Variants in SV2A observed in about 807,000 individuals in gnomAD.
The protein encoded by SV2A is synaptic vesicle glycoprotein 2A, also known as solute carrier family 22 member B1.
Under a neutral mutation model 78.0 loss-of-function variants are expected in SV2A, and 25 were observed. The ratio of observed to expected loss-of-function variants is 0.32; its 90% CI spans 0.23 to 0.45. SV2A has a LOEUF of 0.45. Among genes scored for constraint, SV2A ranks in the 20% least tolerant of loss-of-function variants. SV2A has a pLI of 1.00. For missense variants in SV2A, 752 were observed against 971.5 expected (o/e 0.77, Z 3.00); for synonymous variants, 355 against 384.7 (o/e 0.92, Z 0.90).
rs782142893 is a variant in SV2A, at chr1:149,909,792, G to A, written c.1179+9C>T. 2 of 1,613,300 alleles carry A rather than the reference G, an allele frequency of 1.2e-6. No homozygotes were observed. The highest frequency in any genetic ancestry group is 2.2e-5 in the East Asian group (1 of 44,894). The stretch of plus-strand genomic sequence containing the variant: ...CGTGGAGGTCTGAGTCGGGAGGGCT[G>A]TGGCTTACTGAGAACACTCGCTCAG... On this transcript the variant is annotated intron_variant, in intron 6 of 12. Coordinates refer to ENST00000369146, the MANE Select transcript of SV2A (RefSeq NM_014849.5).
chr1:149,905,760 G>T, intron 12 of SV2A, 120 bp downstream of exon 12: 1 of 1,385,140 alleles, frequency 7.2e-7, no homozygotes, highest in Non-Finnish European at 9.9e-7. Context: ...CCAGATTTTA[G>T]AGGAGAAAAT....
At chr1:149,911,775 A>C (rs1301711414) in intron 3 of SV2A, 25 bp downstream of exon 3, 4 of 1,609,706 alleles carry the variant, frequency 2.5e-6, no homozygotes, top group Non-Finnish European at 3.4e-6. Context: ...CCTGCCCTCA[A>C]GGGACTTAGG....
At chr1:149,908,881 C>T (rs1236518400) in intron 8 of SV2A, among the ~76,000 whole-genome samples, 2 of 152,150 alleles carry the variant, frequency 1.3e-5, no homozygotes, top group Non-Finnish European at 2.9e-5. Flanking sequence ...GATCCGCCCG[C>T]CTCGTCCTCC....
rs587769747 is a variant in SV2A at position 149,907,598 on chromosome 1, G to A, written c.1678+102C>T. The A allele has an allele frequency of 1.4e-4, 198 of 1,435,368 alleles. 1 individual carries two copies. In the African/African-American group the frequency reaches 1.8e-3, roughly 13 times the overall value. 88.9% of individuals were successfully genotyped at this position (1,435,368 alleles called of 1,614,324 possible). The stretch of plus-strand genomic sequence containing the variant: ...TGCCACCTTCCCACAGGGGTCCAGG[G>A]ATCTCAGCTTGAGAACCCTAAGATA... On this transcript the variant is annotated intron_variant, in intron 10 of 12. Coordinates refer to ENST00000369146, the MANE Select transcript of SV2A (RefSeq NM_014849.5).
At chr1:149,915,656 C>A (rs2092507716) in intron 1 of SV2A, among the ~76,000 whole-genome samples, 1 of 152,164 alleles carries the variant, frequency 6.6e-6, no homozygotes, top group African/African-American at 2.4e-5. Flanking sequence ...CCTTTCTGCT[C>A]CTCCTCCAGG....
At chr1:149,906,565 C>T in intron 11 of SV2A, 85 bp downstream of exon 11, 1 of 1,440,128 alleles carries the variant, frequency 6.9e-7, no homozygotes, top group Admixed American at 1.8e-5. Flanking sequence ...CAATCTCTTC[C>T]ACAGCCCAAG....
Position 149,913,381 on chromosome 1 carries a change from C to T in SV2A, c.460G>A (p.Ala154Thr). 1 of 1,614,134 alleles carries T rather than the reference C, an allele frequency of 6.2e-7. No homozygotes were observed. Among genetic ancestry groups the T allele is most frequent in the East Asian group, 2.2e-5 (1 of 44,856 alleles). Residue 154 changes from alanine (A) to threonine (T), a missense_variant, in exon 2 of 13, where the codon GCC becomes ACC. Physicochemically the swap from Ala to Thr is moderately conservative, Grantham distance 58 (BLOSUM62 0). This residue lies in a region of SV2A where 291 missense variants were observed against 359.5 expected (regional missense o/e 0.81). Transcript: ENST00000369146. ...CCGTGGCCACACTCCCGTAGGATGG[C>T]TTCATACTGTTGGGCCAGTTCTTCT... ...EREELAQQYE[A>T]ILRECGHGRF... is the part of the protein sequence containing the mutation.
At chr1:149,917,190 C>T (rs959848956) in intron 1 of SV2A, among the ~76,000 whole-genome samples, 16 of 151,890 alleles carry the variant, frequency 1.1e-4, no homozygotes, top group Admixed American at 2.0e-4. Context: ...GCCATCCATG[C>T]CCCCAACACC....
chr1:149,905,291 A>T, intron 12 of SV2A, 94 bp from the exon 13 acceptor site: 1 of 1,164,396 alleles, frequency 8.6e-7, no homozygotes, highest in Non-Finnish European at 1.2e-6. Context: ...AGGAAGATGC[A>T]GGCAGTGTCC....
chr1:149,914,874 A>G (rs1553764359), intron 1 of SV2A, among the ~76,000 whole-genome samples: 3 of 152,222 alleles, frequency 2.0e-5, no homozygotes, highest in African/African-American at 7.2e-5. Flanking sequence ...CTGGCACATA[A>G]AAATGATGAA....
rs1553762980 is a variant in SV2A at position 149,907,796 on chromosome 1, C to T, written c.1582G>A (p.Asp528Asn). The T allele has an allele frequency of 1.2e-5, 19 of 1,614,148 alleles. No homozygotes were observed. The highest frequency in any genetic ancestry group is 1.6e-5 in the Non-Finnish European group (19 of 1,180,030). Residue 528 changes from aspartate to asparagine, a missense_variant, in exon 10 of 13, where the codon GAT becomes AAT. By Grantham distance (23) the Asp-to-Asn change is conservative (BLOSUM62 1). Around this residue, in one of 7 missense-constraint regions of SV2A, gnomAD observed 186 missense variants for 274.6 expected, o/e 0.68. Coordinates refer to ENST00000369146, the MANE Select transcript of SV2A (RefSeq NM_014849.5). ...AAATAACACTCTTCAAACAGGGAAT[C>T]CTCAAAGGACACTGACTTGAGCCGC... ...GLRLKSVSFE[D>N]SLFEECYFED...
At position 149,914,106 on chromosome 1, in the gene SV2A, G is replaced by A. The variant is rs1269940599; in HGVS notation, c.-266C>T. On this transcript the variant is annotated 5_prime_UTR_variant, in exon 2 of 13. Coordinates refer to ENST00000369146, the MANE Select transcript of SV2A (RefSeq NM_014849.5). ...ACAGGGGGAGCAGGGGAATGGGAAGGGGAAGGGGAGCCAGATTGGGAGGCT... is the reference window on the plus strand; with the variant it reads ...ACAGGGGGAGCAGGGGAATGGGAAGAGGAAGGGGAGCCAGATTGGGAGGCT... 3 of 396,790 alleles carry A rather than the reference G, an allele frequency of 7.6e-6. No individual in the cohort carries two copies. Among genetic ancestry groups the A allele is most frequent in the African/African-American group, 2.0e-5 (1 of 49,844 alleles). 24.6% of individuals were successfully genotyped at this position (396,790 alleles called of 1,614,324 possible).
At chr1:149,911,509 G>A (rs1291339102) in intron 3 of SV2A, among the ~76,000 whole-genome samples, 4 of 152,192 alleles carry the variant, frequency 2.6e-5, no homozygotes, top group African/African-American at 9.7e-5. Flanking sequence ...CAGGGGTGGG[G>A]CTGAGGCCCA....
In SV2A at chr1:149,913,653, T is replaced by G; in HGVS notation, c.188A>C (p.Asp63Ala). The G allele has an allele frequency of 6.2e-7, 1 of 1,614,114 alleles. No individual in the cohort carries two copies. Among genetic ancestry groups the G allele is most frequent in the South Asian group, 1.1e-5 (1 of 91,082 alleles). The change falls in exon 2 of 13, where the codon GAT becomes GCT. Residue 63 changes from aspartate (D) to alanine (A), a missense_variant. Coordinates refer to ENST00000369146, the MANE Select transcript of SV2A (RefSeq NM_014849.5). The part of the protein sequence containing the change: ...DDDDDFPAPS[D>A]GYYRGEGTQD... ...GGTCCCTTCTCCTCGGTAATAACCA[T>G]CACTGGGAGCAGGGAAGTCATCATC...
At chr1:149,912,422 G>C (rs587634846) in intron 2 of SV2A, among the ~76,000 whole-genome samples, 1 of 152,188 alleles carries the variant, frequency 6.6e-6, no homozygotes, top group Admixed American at 6.5e-5. Flanking sequence ...ATCTTCCCAG[G>C]AAATCTCCCA....
chr1:149,905,758 T>G, intron 12 of SV2A, 122 bp downstream of exon 12: 1 of 1,379,624 alleles, frequency 7.2e-7, no homozygotes, highest in Non-Finnish European at 1.0e-6. Context: ...TACCAGATTT[T>G]AGAGGAGAAA....
intron 8 of SV2A, 22 bp from the exon 9 acceptor site, chr1:149,908,228 A>G (rs2092451801): frequency 1.2e-6 from 2 of 1,603,104 alleles, no homozygotes; most frequent in African/African-American, 1.3e-5. Flanking sequence ...AGGACAATGG[A>G]AACAGACAAC....
chr1:149,915,099 A>C (rs1018475047), intron 1 of SV2A, among the ~76,000 whole-genome samples: 1 of 152,182 alleles, frequency 6.6e-6, no homozygotes. Flanking sequence ...AACTGATCTC[A>C]GTCAGGGTAG....
At chr1:149,905,331 G>C in intron 12 of SV2A, 134 bp from the exon 13 acceptor site, 2 of 763,684 alleles carry the variant, frequency 2.6e-6, no homozygotes. Context: ...GGAGAGATCA[G>C]AGAGGTAAAG....
Sources: allele counts gnomAD v4.1 joint callset (sites outside exome capture counted in the v4.1 genomes callset), GRCh38; gene constraint gnomAD v4.1.1; regional missense constraint gnomAD v4.1.1; transcripts MANE v1.5; gene names NCBI Gene and HGNC (gene_info 2026-07-23, HGNC 2026-07-21).